The following TTN variants were observed in gnomAD, a reference collection of about 807,000 sequenced individuals.
TTN encodes titin.
Under a neutral mutation model 3,223.0 loss-of-function variants are expected in TTN, and 1,525 were observed. That is an observed-to-expected ratio of 0.47 (90% confidence interval 0.45 to 0.49). The LOEUF (loss-of-function observed/expected upper bound fraction) is 0.49, where lower values mean the gene tolerates loss of function less well. Among genes scored for constraint, TTN ranks in the 20% least tolerant of loss-of-function variants. The probability of loss-of-function intolerance (pLI) is 0.00; values close to 1 mark genes in which losing one functional copy is unlikely to be tolerated. For missense variants in TTN, 40,786 were observed against 43,424.0 expected, an observed-to-expected ratio of 0.94 and a Z score of 5.40; for synonymous variants, 14,094 against 15,161.0, an observed-to-expected ratio of 0.93 and a Z score of 5.17.
Position 178,713,341 on chromosome 2 carries a change from T to C in TTN, c.26793A>G (p.Lys8931=). 1 of 1,553,866 alleles carries C rather than the reference T, an allele frequency of 6.4e-7. No homozygotes were observed. Among genetic ancestry groups the C allele is most frequent in the Non-Finnish European group, 8.7e-7 (1 of 1,147,408 alleles). The change falls in exon 93 of 363, where the codon AAA becomes AAG. Residue 8931 remains lysine (K), a synonymous_variant. Coordinates refer to ENST00000589042, the MANE Select transcript of TTN (RefSeq NM_001267550.2). ...DRTVPPSFTR[K]LKETNGLSGS... Reference sequence around the variant, plus strand: ...CGGATAGACCATTTGTCTCTTTCAATTTTCTTGTGAATGAAGGAGGAACGG... The same window carrying C: ...CGGATAGACCATTTGTCTCTTTCAACTTTCTTGTGAATGAAGGAGGAACGG...
At chr2:178,791,539 G>A (rs2093493480) in intron 10 of TTN, among the ~76,000 whole-genome samples, 1 of 151,988 alleles carries the variant, frequency 6.6e-6, no homozygotes, top group African/African-American at 2.4e-5. Context: ...CTAGGTCACT[G>A]TTTATCAACC....
rs573262719 is a variant in TTN, at chr2:178,529,725, C to G, written c.106531+235G>C. On this transcript the variant is annotated intron_variant, in intron 359 of 362. Transcript: ENST00000589042. ...GGAGCAGGGGCTGACACTATGGAAT[C>G]TTATATAATACCACATATAACTAGG... Among the ~76,000 whole-genome samples, 25 of 152,332 alleles carry G rather than the reference C, an allele frequency of 1.6e-4. 1 individual carries two copies. The South Asian group carries it at 4.6e-3, about 28-fold the overall frequency.
Position 178,741,820 on chromosome 2 carries a change from G to C in TTN, c.11413C>G (p.Pro3805Ala), listed in dbSNP as rs1484175745. The C allele has an allele frequency of 6.2e-7, 1 of 1,612,334 alleles. No homozygotes were observed. Among genetic ancestry groups the C allele is most frequent in the Non-Finnish European group, 8.5e-7 (1 of 1,179,234 alleles). Residue 3805 changes from proline (P) to alanine (A), a missense_variant, in exon 48 of 363, where the codon CCA (proline) becomes GCA (alanine). Pro to Ala is a conservative substitution (Grantham distance 27). Transcript: ENST00000589042. Reference protein sequence around the residue: ...NETLELLSESPVYPTKFDSEK... With the variant: ...NETLELLSESAVYPTKFDSEK... The stretch of plus-strand genomic sequence containing the variant: ...GAATCAAATTTAGTTGGGTAAACTG[G>C]AGATTCAGACAAAAGTTCAAGTGTT...
chr2:178,673,741 A>C (rs72650051), intron 151 of TTN, 31 bp from the exon 152 acceptor site: 16 of 1,551,284 alleles, frequency 1.0e-5, no homozygotes, highest in Non-Finnish European at 1.3e-5. Context: ...CATTTTGAAA[A>C]GTGGCATGTG....
chr2:178,719,915 A>C, intron 81 of TTN, 68 bp downstream of exon 81: 1 of 1,543,488 alleles, frequency 6.5e-7, no homozygotes. Context: ...GGATAAGAGG[A>C]ATATTTGAGG....
chr2:178,741,120 G>T lies in TTN; in HGVS notation c.12113C>A (p.Thr4038Asn), dbSNP rs758968807. 7 of 1,613,572 alleles carry T rather than the reference G, an allele frequency of 4.3e-6. No individual in the cohort carries two copies. The highest frequency in any genetic ancestry group is 1.7e-5 in the Admixed American group (1 of 59,992). Residue 4038 changes from threonine (T) to asparagine (N), a missense_variant, in exon 48 of 363, where the codon ACC becomes AAC. By Grantham distance (65) the Thr-to-Asn change is moderately conservative (BLOSUM62 0). Coordinates refer to ENST00000589042, the MANE Select transcript of TTN (RefSeq NM_001267550.2). Reference protein sequence around the residue: ...VLLEDTDMTDTPCKAKSTPEA... With the variant: ...VLLEDTDMTDNPCKAKSTPEA... ...TGGTGTGGACTTTGCTTTGCAGGGGGTATCAGTCATGTCTGTGTCTTCCAG... is the reference window on the plus strand; with the variant it reads ...TGGTGTGGACTTTGCTTTGCAGGGGTTATCAGTCATGTCTGTGTCTTCCAG...
intron 23 of TTN, 23 bp downstream of exon 23, chr2:178,779,206 T>A: frequency 6.2e-7 from 1 of 1,613,188 alleles, no homozygotes; most frequent in Non-Finnish European, 8.5e-7. Context: ...GGCAAGGAGC[T>A]ATGATAAATG....
At position 178,701,119 on chromosome 2, in the gene TTN, C is replaced by T; in HGVS notation, c.30682+1G>A. On this transcript the variant is annotated splice_donor_variant, in intron 111 of 362. Coordinates refer to ENST00000589042, the MANE Select transcript of TTN (RefSeq NM_001267550.2). LOFTEE classifies it high-confidence loss of function. ...ACATCTAGGTAGATGAGGTATAATA[C>T]CTTCAATACGTTTTGGTGGTGGTTT... 2 of 1,613,212 alleles carry T rather than the reference C, an allele frequency of 1.2e-6. No homozygotes were observed. The highest frequency in any genetic ancestry group is 1.7e-6 in the Non-Finnish European group (2 of 1,179,398).
At position 178,776,990 on chromosome 2, in the gene TTN, G is replaced by C. The variant is rs185789611; in HGVS notation, c.4874C>G (p.Ser1625Cys). The C allele has an allele frequency of 1.8e-5, 29 of 1,614,030 alleles. No individual in the cohort carries two copies. The East Asian group carries it at 6.2e-4, about 35-fold the overall frequency. Residue 1625 changes from serine to cysteine, a missense_variant, in exon 28 of 363, where the codon TCT (serine) becomes TGT (cysteine). Transcript: ENST00000589042. ...AATAGCAGTCGCAGTATACCAGGCA[G>C]AATCTTGGCTGACAGTGGAATCGAT... ...LKIDSTVSQD[S>C]AWYTATAINK...
At position 178,724,518 on chromosome 2, in the gene TTN, T is replaced by C; in HGVS notation, c.20857A>G (p.Lys6953Glu). The change falls in exon 72 of 363, where the codon AAG becomes GAG. Residue 6953 changes from lysine (K) to glutamate (E), a missense_variant. By Grantham distance (56) the Lys-to-Glu change is moderately conservative. Transcript: ENST00000589042. ...ACAGTCACCGTCATCGGTCCTGCCT[T>C]CTCAACAATGACTGCGGGCTCTGAA... ...MVLEPAVIVE[K>E]AGPMTVTVGE... The C allele has an allele frequency of 3.8e-6, 6 of 1,596,952 alleles. No individual in the cohort carries two copies. The highest frequency in any genetic ancestry group is 4.3e-6 in the Non-Finnish European group (5 of 1,168,928).
Position 178,675,754 on chromosome 2 carries a change from A to G in TTN, c.34454T>C (p.Val11485Ala). The G allele has an allele frequency of 2.0e-6, 3 of 1,473,232 alleles. No individual in the cohort carries two copies. Among genetic ancestry groups the G allele is most frequent in the Non-Finnish European group, 2.7e-6 (3 of 1,119,076 alleles). The allele number at this position is 1,473,232 out of a possible 1,614,324, so 91.3% of individuals were successfully genotyped here. Reference sequence around the variant, plus strand: ...CTCAGGTTTCTTAGGTACCACAGACACTTTAAAAATATTATTTTATTTTAT... The same window carrying G: ...CTCAGGTTTCTTAGGTACCACAGACGCTTTAAAAATATTATTTTATTTTAT... ...PKKEEAPPAK[V>A]SVVPKKPEPE... The change falls in exon 149 of 363, where the codon GTG (valine) becomes GCG (alanine). Residue 11485 changes from valine to alanine, a missense_variant and splice_region_variant. Physicochemically the swap from Val to Ala is moderately conservative, Grantham distance 64 (BLOSUM62 0). Transcript: ENST00000589042.
rs1256950839 is a variant in TTN, at chr2:178,566,101, A to G, written c.80031T>C (p.Thr26677=). 1.2e-6 allele frequency: 2 copies of G among 1,613,668 alleles called. No individual in the cohort carries two copies. Among genetic ancestry groups the G allele is most frequent in the Non-Finnish European group, 1.7e-6 (2 of 1,179,682 alleles). ...NSSGSKSAFV[T]VKVLDTPGPP... ...GTCCTGGAGTGTCAAGAACTTTCAC[A>G]GTTACAAAAGCAGACTTTGATCCAC... The change falls in exon 326 of 363, where the codon ACT becomes ACC. Residue 26677 remains threonine, a synonymous_variant. Coordinates refer to ENST00000589042, the MANE Select transcript of TTN (RefSeq NM_001267550.2).
At chr2:178,747,048 A>G in intron 47 of TTN, 2 of 1,613,262 alleles carry the variant, frequency 1.2e-6, no homozygotes, top group South Asian at 2.2e-5. Flanking sequence ...GTAGGAATAG[A>G]ATATCTCTCT....
In TTN at chr2:178,730,195, G is replaced by A. The variant is rs2080178651; in HGVS notation, c.18205C>T (p.Leu6069=). 2 of 1,613,376 alleles carry A rather than the reference G, an allele frequency of 1.2e-6. No homozygotes were observed. The highest frequency in any genetic ancestry group is 1.7e-6 in the Non-Finnish European group (2 of 1,179,698). The change falls in exon 62 of 363, where the codon CTA becomes TTA. Residue 6069 remains leucine, a synonymous_variant. Coordinates refer to ENST00000589042, the MANE Select transcript of TTN (RefSeq NM_001267550.2). The part of the protein sequence containing the change: ...SVWKDDTSTS[L]ELFAAKATDS... ...GTAGCTTTGGCTGCAAAGAGCTCTA[G>A]ACTGGTAGAGGTGTCATCCTTCCAA...
Position 178,565,130 on chromosome 2 carries a change from C to T in TTN, c.81002G>A (p.Gly27001Asp), listed in dbSNP as rs767825951. ...VISWEPPAYTGGCQISNYIVE... is the reference protein window; with the variant it reads ...VISWEPPAYTDGCQISNYIVE... ...AATGTAGTTGCTTATTTGGCAGCCACCAGTATAGGCTGGAGGTTCCCAAGA... is the reference window on the plus strand; with the variant it reads ...AATGTAGTTGCTTATTTGGCAGCCATCAGTATAGGCTGGAGGTTCCCAAGA... Residue 27001 changes from glycine (G) to aspartate (D), a missense_variant, in exon 326 of 363, where the codon GGT becomes GAT. Physicochemically the swap from Gly to Asp is moderately conservative, Grantham distance 94. Transcript: ENST00000589042. 6.2e-7 allele frequency: 1 copy of T among 1,613,456 alleles called. No individual in the cohort carries two copies. The highest frequency in any genetic ancestry group is 8.5e-7 in the Non-Finnish European group (1 of 1,179,604).
In TTN at chr2:178,696,257, A is replaced by G. The variant is rs1241456805; in HGVS notation, c.30815T>C (p.Ile10272Thr). Residue 10272 changes from isoleucine to threonine, a missense_variant, in exon 114 of 363, where the codon ATT becomes ACT. Coordinates refer to ENST00000589042, the MANE Select transcript of TTN (RefSeq NM_001267550.2). ...TLIPAKAPEI[I>T]DVSSKAEEVK... ...TTCTTCAGCTTTAGAGGATACATCA[A>G]TGATTTCAGGAGCTAAAATAGATAA... The G allele has an allele frequency of 2.6e-6, 4 of 1,542,984 alleles. No homozygotes were observed. Among genetic ancestry groups the G allele is most frequent in the Non-Finnish European group, 3.5e-6 (4 of 1,147,890 alleles).
intron 218 of TTN, among the ~76,000 whole-genome samples, chr2:178,642,798 G>A (rs1323924873): frequency 1.3e-5 from 2 of 151,954 alleles, no homozygotes; most frequent in East Asian, 1.9e-4. Context: ...TGCTGGGGAA[G>A]GGCCATATCT....
At chr2:178,620,692 C>T in intron 247 of TTN, 23 bp downstream of exon 247, 1 of 1,609,286 alleles carries the variant, frequency 6.2e-7, no homozygotes, top group African/African-American at 1.3e-5. Flanking sequence ...GAAAAAATCT[C>T]TAGTGGTATA....
rs371034493 is a variant in TTN, at chr2:178,572,908, C to T, written c.73224G>A (p.Gly24408=). 51 of 1,613,226 alleles carry T rather than the reference C, an allele frequency of 3.2e-5. No individual in the cohort carries two copies. The highest frequency in any genetic ancestry group is 4.0e-5 in the Non-Finnish European group (47 of 1,179,576). ...GAGTTCCAGGAACAAGGGCAGGTTC[C>T]CCAAGTCCTTCGGAATTCATGGCAT... ...RIYAMNSEGL[G]EPALVPGTPK... The change falls in exon 326 of 363, where the codon GGG becomes GGA. Residue 24408 remains glycine, a synonymous_variant. Transcript: ENST00000589042.
Sources: gnomAD v4.1 joint callset for allele counts (sites outside exome capture counted in the v4.1 genomes callset) on GRCh38, gnomAD v4.1.1 for gene constraint, MANE v1.5 for transcripts, NCBI Gene and HGNC (gene_info 2026-07-23, HGNC 2026-07-21) for gene names.